Variants in RTCA observed in about 807,000 individuals in gnomAD.
RTCA encodes the protein RNA 3'-terminal phosphate cyclase.
Under a neutral mutation model 46.1 loss-of-function variants are expected in RTCA, and 37 were observed. The observed-to-expected ratio is 0.80, with a 90% CI of 0.62 to 1.06. The LOEUF is 1.06. RTCA is among the 50% of genes least tolerant of loss of function. The probability of loss-of-function intolerance (pLI) is 0.00; values close to 1 mark genes in which losing one functional copy is unlikely to be tolerated. For synonymous variants in RTCA, 164 were observed against 158.3 expected (o/e 1.04, Z -0.27); for missense variants, 435 against 455.5 (o/e 0.95, Z 0.41).
chr1:100,287,880 G>T (rs1343220938), intron 10 of RTCA, among the ~76,000 whole-genome samples: 1 of 148,936 alleles, frequency 6.7e-6, no homozygotes, highest in Non-Finnish European at 1.5e-5. Context: ...TGCAACTTCT[G>T]CCTCCCAGGC....
intron 4 of RTCA, 115 bp from the exon 5 acceptor site, chr1:100,273,279 C>A: frequency 1.7e-6 from 1 of 600,228 alleles, no homozygotes; most frequent in Non-Finnish European, 2.9e-6. Flanking sequence ...TCTTATAACA[C>A]TGTTTACCTA....
intron 5 of RTCA, among the ~76,000 whole-genome samples, chr1:100,274,012 T>C (rs1371153213): frequency 6.6e-6 from 1 of 152,254 alleles, no homozygotes; most frequent in African/African-American, 2.4e-5. Context: ...TTGTTATTCC[T>C]TAAATATGCT....
intron 8 of RTCA, among the ~76,000 whole-genome samples, chr1:100,284,659 A>T (rs1449840506): frequency 1.3e-5 from 2 of 152,184 alleles, no homozygotes; most frequent in African/African-American, 2.4e-5. Flanking sequence ...CTCCCAAAGC[A>T]TTGGGATTAC....
chr1:100,277,776 T>A (rs1666474981), intron 8 of RTCA, among the ~76,000 whole-genome samples: 1 of 151,960 alleles, frequency 6.6e-6, no homozygotes, highest in Admixed American at 6.6e-5. Flanking sequence ...AAAATATTAT[T>A]TAGAGCGATG....
Position 100,270,464 on chromosome 1 carries a change from G to T in RTCA, c.291-93G>T. 10 of 1,466,370 alleles carry T rather than the reference G, an allele frequency of 6.8e-6. 1 individual carries two copies. Among genetic ancestry groups the T allele is most frequent in the Non-Finnish European group, 8.3e-6 (9 of 1,079,096 alleles). 90.8% of individuals were successfully genotyped at this position (1,466,370 alleles called of 1,614,324 possible). On this transcript the variant is annotated intron_variant, in intron 3 of 10. Transcript: ENST00000370128. ...CTTCACAGTTGTCTGTGCTTTAGTT[G>T]GTAGTGATGAACAAGAATATAGCTT...
intron 5 of RTCA, 55 bp downstream of exon 5, chr1:100,273,507 G>T: frequency 8.9e-7 from 1 of 1,126,120 alleles, no homozygotes; most frequent in Non-Finnish European, 1.3e-6. Context: ...AGAAGTAGTG[G>T]AAAAGTTAGA....
intron 6 of RTCA, 119 bp from the exon 7 acceptor site, chr1:100,275,478 CAA>C (rs1423872999): frequency 1.4e-5 from 9 of 648,096 alleles, no homozygotes; most frequent in Non-Finnish European, 2.0e-5. Context: ...TCTTGAAAAT[CAA>C]GTTATTAAAT....
intron 4 of RTCA, among the ~76,000 whole-genome samples, chr1:100,273,038 C>G (rs1666183838): frequency 6.6e-6 from 1 of 152,106 alleles, no homozygotes; most frequent in East Asian, 1.9e-4. Flanking sequence ...ATTGAGATGA[C>G]AGAATGGAAT....
intron 2 of RTCA, chr1:100,267,399 A>G (rs1162526679): frequency 1.6e-6 from 2 of 1,240,820 alleles, no homozygotes; most frequent in Non-Finnish European, 2.1e-6. Flanking sequence ...GGGGAATCCA[A>G]TTCATTAGGC....
At chr1:100,280,522 ACTC>A (rs1666651387) in intron 8 of RTCA, among the ~76,000 whole-genome samples, 2 of 152,170 alleles carry the variant, frequency 1.3e-5, no homozygotes, top group South Asian at 4.1e-4. Flanking sequence ...AGATTGACTG[ACTC>A]CTCCTGGTAT....
rs766249380 is a variant in RTCA at position 100,291,484 on chromosome 1, A to G, written c.1081A>G (p.Met361Val). 3.7e-5 allele frequency: 59 copies of G among 1,608,160 alleles called. No homozygotes were observed. The highest frequency in any genetic ancestry group is 4.5e-5 in the Non-Finnish European group (53 of 1,175,552). Residue 361 changes from methionine to valine, a missense_variant, in exon 11 of 11, where the codon ATG (methionine) becomes GTG (valine). Met to Val is a conservative substitution (Grantham distance 21). Coordinates refer to ENST00000370128, the MANE Select transcript of RTCA (RefSeq NM_003729.4). ...TATTATTGAATGCCAAGGAATTGGG[A>G]TGACAAATCCAAATCTATAGAGTAT... ...TYIIECQGIG[M>V]TNPNL
intron 7 of RTCA, 106 bp from the exon 8 acceptor site, chr1:100,277,152 C>G (rs1384761591): frequency 1.9e-6 from 2 of 1,048,092 alleles, no homozygotes; most frequent in East Asian, 4.8e-5. Context: ...AATTTGTTGC[C>G]CAGATTTAGT....
intron 8 of RTCA, 89 bp downstream of exon 8, chr1:100,277,405 G>T (rs1288183454): frequency 2.6e-6 from 3 of 1,158,518 alleles, no homozygotes; most frequent in East Asian, 2.5e-5. Context: ...AATGATGGAT[G>T]AAAGTTTAAA....
chr1:100,268,253 A>C lies in RTCA; in HGVS notation c.248A>C (p.Lys83Thr), dbSNP rs1665892571. The C allele has an allele frequency of 2.5e-6, 4 of 1,614,028 alleles. No individual in the cohort carries two copies. The South Asian group carries it at 4.4e-5, about 18-fold the overall frequency. Residue 83 changes from lysine (K) to threonine (T), a missense_variant, in exon 3 of 11, where the codon AAG (lysine) becomes ACG (threonine). Transcript: ENST00000370128. ...GSTEITFTPEKIKGGIHTADT... is the reference protein window; with the variant it reads ...GSTEITFTPETIKGGIHTADT... ...ACAGAAATAACCTTTACACCAGAGAAGATCAAAGGTGGAATCCACACAGCA... is the reference window on the plus strand; with the variant it reads ...ACAGAAATAACCTTTACACCAGAGACGATCAAAGGTGGAATCCACACAGCA...
chr1:100,283,041 C>T (rs1666797841), intron 8 of RTCA, among the ~76,000 whole-genome samples: 1 of 151,954 alleles, frequency 6.6e-6, no homozygotes, highest in Non-Finnish European at 1.5e-5. Flanking sequence ...AAGCTATCTG[C>T]CTGCCTCCAC....
chr1:100,282,700 G>T (rs1666778364), intron 8 of RTCA, among the ~76,000 whole-genome samples: 1 of 140,014 alleles, frequency 7.1e-6, no homozygotes, highest in Non-Finnish European at 1.5e-5. Flanking sequence ...TCAAGTGGCA[G>T]TATGCCACAA....
rs1665768518 is a variant in RTCA, at chr1:100,266,350, G to C, written c.-26G>C. 2.5e-6 allele frequency: 4 copies of C among 1,602,234 alleles called. No individual in the cohort carries two copies. The highest frequency in any genetic ancestry group is 3.4e-6 in the Non-Finnish European group (4 of 1,177,122). ...CCGCTCTGGCGGAGGCTTTGTCGCT[G>C]CGGGCTGGGCCCCAGGGTGTCCCCC... On this transcript the variant is annotated 5_prime_UTR_variant, in exon 1 of 11. Transcript: ENST00000370128.
At chr1:100,274,238 A>G (rs1666252422) in intron 5 of RTCA, among the ~76,000 whole-genome samples, 1 of 152,192 alleles carries the variant, frequency 6.6e-6, no homozygotes, top group Non-Finnish European at 1.5e-5. Context: ...TCCCTACCAG[A>G]TGGTGAGCTC....
rs1386827067 is a variant in RTCA, at chr1:100,292,095, T to A, written c.*591T>A. On this transcript the variant is annotated 3_prime_UTR_variant, in exon 11 of 11. Coordinates refer to ENST00000370128, the MANE Select transcript of RTCA (RefSeq NM_003729.4). Reference sequence around the variant, plus strand: ...CCACCATGCCCAGCTAATTTTTGTATTTTTAGTAGAGACAGGGTTTCACCA... The same window carrying A: ...CCACCATGCCCAGCTAATTTTTGTAATTTTAGTAGAGACAGGGTTTCACCA... 5 of 152,164 alleles carry A rather than the reference T, an allele frequency of 3.3e-5. No individual in the cohort carries two copies. The highest frequency in any genetic ancestry group is 6.5e-5 in the Admixed American group (1 of 15,274). The allele number at this position is 152,164 out of a possible 1,614,324, so 9.4% of individuals were successfully genotyped here.
Sources: allele counts gnomAD v4.1 joint callset (sites outside exome capture counted in the v4.1 genomes callset), GRCh38; gene constraint gnomAD v4.1.1; transcripts MANE v1.5; gene names NCBI Gene and HGNC (gene_info 2026-07-23, HGNC 2026-07-21).